PPP2R5E: variants seen among roughly 807,000 people sequenced by gnomAD.
PPP2R5E encodes protein phosphatase 2 regulatory subunit B'epsilon.
Under a neutral mutation model 65.3 loss-of-function variants are expected in PPP2R5E, and 4 were observed. That is an observed-to-expected ratio of 0.06 (90% confidence interval 0.03 to 0.14). The LOEUF (loss-of-function observed/expected upper bound fraction) is 0.14. PPP2R5E is among the 10% of genes least tolerant of loss of function. The pLI is 1.00. For missense variants in PPP2R5E, 274 were observed against 556.1 expected, an observed-to-expected ratio of 0.49 and a Z score of 5.10; for synonymous variants, 183 against 187.4, an observed-to-expected ratio of 0.98 and a Z score of 0.19.
chr14:63,394,052 A>T, intron 7 of PPP2R5E, 124 bp from the exon 8 acceptor site: 1 of 365,156 alleles, frequency 2.7e-6, no homozygotes, highest in South Asian at 5.1e-5. Context: ...TACCCACCCC[A>T]GTGGCATTCA....
intron 2 of PPP2R5E, among the ~76,000 whole-genome samples, chr14:63,458,635 GA>G (rs1889280023): frequency 6.6e-6 from 1 of 152,022 alleles, no homozygotes; most frequent in Non-Finnish European, 1.5e-5. Context: ...AGTTAATAAA[GA>G]AAATGTGGAC....
At chr14:63,443,698 T>C (rs1888346776) in intron 3 of PPP2R5E, among the ~76,000 whole-genome samples, 1 of 152,078 alleles carries the variant, frequency 6.6e-6, no homozygotes, top group South Asian at 2.1e-4. Context: ...AACCTCAACA[T>C]TAACTCATCG....
intron 2 of PPP2R5E, among the ~76,000 whole-genome samples, chr14:63,493,638 C>G (rs1891398802): frequency 2.1e-5 from 3 of 141,076 alleles, no homozygotes; most frequent in Admixed American, 2.0e-4. Context: ...AAACTGTACT[C>G]AAGCTGTTAG....
In PPP2R5E at chr14:63,496,984, T is replaced by A. The variant is rs569408284; in HGVS notation, c.157+42545A>T. Among the ~76,000 whole-genome samples the A allele has an allele frequency of 2.8e-4, 43 of 152,066 alleles. No homozygotes were observed. The South Asian group carries it at 7.5e-3, about 26-fold the overall frequency. Reference sequence around the variant, plus strand: ...TCAAAATGTCAGGCACTCACCATAATAGCTATGGCCTTTAAACCACCCCAG... The same window carrying A: ...TCAAAATGTCAGGCACTCACCATAAAAGCTATGGCCTTTAAACCACCCCAG... On this transcript the variant is annotated intron_variant, in intron 2 of 13. Transcript: ENST00000337537.
intron 5 of PPP2R5E, among the ~76,000 whole-genome samples, chr14:63,397,919 G>C (rs1471313571): frequency 6.6e-6 from 1 of 152,074 alleles, no homozygotes; most frequent in Non-Finnish European, 1.5e-5. Context: ...AGCAGAGACA[G>C]GGTTTCACCA....
Position 63,523,824 on chromosome 14 carries a change from TATAA to T in PPP2R5E, c.157+15701_157+15704del, listed in dbSNP as rs529466510. ...CCTCAAAAAAACTCTTCACCTTTGC[TATAA>T]ATATTCTTGCATTCAAAGTACTCAT... On this transcript the variant is annotated intron_variant, in intron 2 of 13. Transcript: ENST00000337537. Among the ~76,000 whole-genome samples the T allele has an allele frequency of 5.5e-4, 84 of 152,126 alleles. No individual in the cohort carries two copies. In the South Asian group the frequency reaches 0.017, roughly 31 times the overall value.
At chr14:63,462,953 T>A (rs1317351518) in intron 2 of PPP2R5E, among the ~76,000 whole-genome samples, 1 of 150,966 alleles carries the variant, frequency 6.6e-6, no homozygotes, top group Non-Finnish European at 1.5e-5. Context: ...AAATACAAAA[T>A]TAGCCAGGTG....
chr14:63,475,150 C>T (rs1890343999), intron 2 of PPP2R5E, among the ~76,000 whole-genome samples: 1 of 152,212 alleles, frequency 6.6e-6, no homozygotes, highest in African/African-American at 2.4e-5. Context: ...TTCTTTGCTT[C>T]TTTTTCTTGG....
intron 3 of PPP2R5E, among the ~76,000 whole-genome samples, chr14:63,440,602 GA>G (rs1348723579): frequency 3.3e-5 from 5 of 151,874 alleles, no homozygotes; most frequent in African/African-American, 1.2e-4. Flanking sequence ...ATTCCTATTG[GA>G]AAGAATAATT....
At chr14:63,379,826 C>CTCTCTCTCTTTTTTTT (rs528081976) in intron 13 of PPP2R5E, among the ~76,000 whole-genome samples, 2 of 100,280 alleles carry the variant, frequency 2.0e-5, no homozygotes, top group African/African-American at 1.0e-4. Flanking sequence ...TATTCTCTCT[C>CTCTCTCTCTTTTTTTT]TTTTTTTTTT....
intron 2 of PPP2R5E, among the ~76,000 whole-genome samples, chr14:63,531,984 G>A (rs1290312745): frequency 6.6e-6 from 1 of 151,706 alleles, no homozygotes; most frequent in African/African-American, 2.4e-5. Flanking sequence ...AATCTTAGAT[G>A]CCTGAAGAAC....
chr14:63,376,890 G>C (rs1346576061), intron 13 of PPP2R5E, among the ~76,000 whole-genome samples: 1 of 152,132 alleles, frequency 6.6e-6, no homozygotes, highest in Non-Finnish European at 1.5e-5. Context: ...GACCCAGGCT[G>C]GGCGCAGTGG....
chr14:63,491,069 G>A (rs529739728), intron 2 of PPP2R5E, among the ~76,000 whole-genome samples: 34 of 152,026 alleles, frequency 2.2e-4, no homozygotes, highest in South Asian at 1.0e-3. Context: ...ATGAAATCAC[G>A]TCCTTTGCAA....
intron 3 of PPP2R5E, among the ~76,000 whole-genome samples, chr14:63,446,034 T>C (rs1028475034): frequency 2.0e-5 from 3 of 152,232 alleles, no homozygotes; most frequent in African/African-American, 4.8e-5. Flanking sequence ...CTAAATCCTT[T>C]GTTGTCATTT....
At chr14:63,417,155 T>C (rs1886743186) in intron 4 of PPP2R5E, among the ~76,000 whole-genome samples, 1 of 152,178 alleles carries the variant, frequency 6.6e-6, no homozygotes, top group Non-Finnish European at 1.5e-5. Context: ...CTGGAAAATA[T>C]TGGTTCATTG....
intron 2 of PPP2R5E, among the ~76,000 whole-genome samples, chr14:63,511,162 T>C (rs1008496699): frequency 6.6e-6 from 1 of 152,398 alleles, no homozygotes; most frequent in East Asian, 1.9e-4. Flanking sequence ...GCTGGACTTG[T>C]AACTCACTTT....
At position 63,486,293 on chromosome 14, in the gene PPP2R5E, TACACACAC is replaced by T. The variant is rs374427574; in HGVS notation, c.158-32416_158-32409del. Among the ~76,000 whole-genome samples the T allele has an allele frequency of 5.2e-3, 671 of 128,028 alleles. 2 individuals are homozygous for T. The highest frequency in any genetic ancestry group is 7.1e-3 in the Non-Finnish European group (437 of 61,646). The allele number at this position is 128,028 out of a possible 152,430, so 84.0% of individuals were successfully genotyped here. ...ACCCCACCCATCTTTCTTTCCCCATTACACACACACACACACACACACACACACACACA... is the reference window on the plus strand; with the variant it reads ...ACCCCACCCATCTTTCTTTCCCCATTACACACACACACACACACACACACA... On this transcript the variant is annotated intron_variant, in intron 2 of 13. Transcript: ENST00000337537.
At chr14:63,509,267 C>CTTTTTT (rs10553696) in intron 2 of PPP2R5E, among the ~76,000 whole-genome samples, 3 of 108,064 alleles carry the variant, frequency 2.8e-5, no homozygotes, top group Non-Finnish European at 5.4e-5. Flanking sequence ...TTAAAATATC[C>CTTTTTT]TTTTTTTTTT....
At chr14:63,469,889 A>G (rs960332116) in intron 2 of PPP2R5E, among the ~76,000 whole-genome samples, 3 of 152,222 alleles carry the variant, frequency 2.0e-5, no homozygotes, top group African/African-American at 7.2e-5. Flanking sequence ...CAAGATATTC[A>G]GTTTTATTAT....
Sources: allele counts gnomAD v4.1 joint callset (sites outside exome capture counted in the v4.1 genomes callset), GRCh38; gene constraint gnomAD v4.1.1; transcripts MANE v1.5; gene names NCBI Gene and HGNC (gene_info 2026-07-23, HGNC 2026-07-21).